The following CPN1 variants were observed in gnomAD, a reference collection of about 807,000 sequenced individuals.
CPN1 encodes carboxypeptidase N catalytic chain.
Under a neutral mutation model 46.4 loss-of-function variants are expected in CPN1, and 37 were observed. The observed-to-expected ratio is 0.80, with a 90% confidence interval of 0.61 to 1.05. CPN1 has a LOEUF of 1.05. Among genes scored for constraint, CPN1 ranks in the 50% least tolerant of loss-of-function variants. The pLI, the probability that CPN1 is intolerant of heterozygous loss-of-function variation, is 0.00. For missense variants in CPN1, 563 were observed against 602.6 expected (o/e 0.93, Z 0.69); for synonymous variants, 224 against 235.4 (o/e 0.95, Z 0.44).
chr10:100,068,117 A>G (rs184384937), intron 3 of CPN1, among the ~76,000 whole-genome samples: 1 of 146,432 alleles, frequency 6.8e-6, no homozygotes, highest in Admixed American at 6.9e-5. Context: ...GTGCCACTGC[A>G]CTCCAGCCTG....
chr10:100,045,265 G>C (rs1227077126), intron 8 of CPN1, among the ~76,000 whole-genome samples: 1 of 152,216 alleles, frequency 6.6e-6, no homozygotes, highest in African/African-American at 2.4e-5. Context: ...AGGACGTGCA[G>C]TTGTTTGAAT....
chr10:100,069,679 AT>A, intron 3 of CPN1, 34 bp downstream of exon 3: 1 of 1,613,596 alleles, frequency 6.2e-7, no homozygotes, highest in Non-Finnish European at 8.5e-7. Context: ...CCAGATGCTG[AT>A]TTACCTGCTT....
At chr10:100,053,878 A>G (rs1463540629) in intron 7 of CPN1, among the ~76,000 whole-genome samples, 2 of 152,184 alleles carry the variant, frequency 1.3e-5, no homozygotes, top group African/African-American at 4.8e-5. Flanking sequence ...CAGTAAGCCT[A>G]TGATGGAAAG....
At chr10:100,059,592 C>CAAAAAAAAAA in intron 5 of CPN1, among the ~76,000 whole-genome samples, 1 of 115,096 alleles carries the variant, frequency 8.7e-6, no homozygotes, top group Non-Finnish European at 1.8e-5. Flanking sequence ...TGGCTACTAT[C>CAAAAAAAAAA]AAAAAAAAAA....
At chr10:100,051,537 T>C (rs2041353496) in intron 7 of CPN1, among the ~76,000 whole-genome samples, 1 of 152,112 alleles carries the variant, frequency 6.6e-6, no homozygotes. Flanking sequence ...AAAAAATTTT[T>C]TTTTTTTTGA....
At chr10:100,081,203 A>G (rs12774352) in intron 1 of CPN1, among the ~76,000 whole-genome samples, 200 bp downstream of exon 1, 56,474 of 152,088 alleles carry the variant, frequency 0.37, 10,687 homozygotes, top group Non-Finnish European at 0.41. Flanking sequence ...AGGAGGAAAG[A>G]TCTGAAGGCT....
intron 1 of CPN1, 91 bp from the exon 2 acceptor site, chr10:100,076,198 A>G (rs2041514373): frequency 8.2e-7 from 1 of 1,225,220 alleles, no homozygotes; most frequent in South Asian, 1.2e-5. Context: ...TCAGTAACGA[A>G]TGAAAGAAAA....
At chr10:100,056,381 C>T (rs1241753804) in intron 6 of CPN1, among the ~76,000 whole-genome samples, 1 of 152,166 alleles carries the variant, frequency 6.6e-6, no homozygotes, top group African/African-American at 2.4e-5. Flanking sequence ...TTAAATGTCA[C>T]CTCCTCTGTA....
At chr10:100,067,270 C>T (rs1489423822) in intron 3 of CPN1, among the ~76,000 whole-genome samples, 1 of 152,106 alleles carries the variant, frequency 6.6e-6, no homozygotes, top group South Asian at 2.1e-4. Flanking sequence ...GCGCCCACCA[C>T]CACAGCTGGC....
At chr10:100,077,499 A>G (rs2862924) in intron 1 of CPN1, among the ~76,000 whole-genome samples, 89,479 of 151,906 alleles carry the variant, frequency 0.59, 28,356 homozygotes, top group African/African-American at 0.84. Context: ...CCAAAGTGCT[A>G]GGATTACAGG....
chr10:100,054,580 G>T, intron 6 of CPN1, 134 bp from the exon 7 acceptor site: 1 of 729,906 alleles, frequency 1.4e-6, no homozygotes, highest in Non-Finnish European at 2.4e-6. Flanking sequence ...TCCCTTAACT[G>T]GTCTCTTTGC....
rs1589479778 is a variant in CPN1 at position 100,076,086 on chromosome 10, A to C, written c.245T>G (p.Val82Gly). ...HEPLEPEVKY[V>G]GNMHGNEALG... ...CGCTTCGTTGCCGTGCATGTTCCCC[A>C]CATACTTGACCTCTGGTTCCACTGC... The change falls in exon 2 of 9, where the codon GTG becomes GGG. Residue 82 changes from valine to glycine, a missense_variant. Physicochemically the swap from Val to Gly is moderately radical, Grantham distance 109. Transcript: ENST00000370418. 1 of 1,614,068 alleles carries C rather than the reference A, an allele frequency of 6.2e-7. No individual in the cohort carries two copies. Among genetic ancestry groups the C allele is most frequent in the Non-Finnish European group, 8.5e-7 (1 of 1,180,042 alleles).
chr10:100,051,765 G>T (rs1238356870), intron 7 of CPN1, among the ~76,000 whole-genome samples: 1 of 152,098 alleles, frequency 6.6e-6, no homozygotes, highest in African/African-American at 2.4e-5. Context: ...CTGACCTTAG[G>T]TGATCCACCC....
chr10:100,069,070 G>A (rs2041470507), intron 3 of CPN1, among the ~76,000 whole-genome samples: 4 of 152,168 alleles, frequency 2.6e-5, no homozygotes, highest in African/African-American at 9.7e-5. Context: ...ACACTGCTTG[G>A]TGCATTTCAC....
chr10:100,069,852 C>T lies in CPN1; in HGVS notation c.438G>A (p.Gly146=), dbSNP rs1427767801. 1 of 1,613,794 alleles carries T rather than the reference C, an allele frequency of 6.2e-7. No individual in the cohort carries two copies. The highest frequency in any genetic ancestry group is 8.5e-7 in the Non-Finnish European group (1 of 1,180,002). Reference sequence around the variant, plus strand: ...TTGCATTGTTCCTGCCAACTAGATACCCAGGCTTGTTTGGGCCCTAAAGGA... The same window carrying T: ...TTGCATTGTTCCTGCCAACTAGATATCCAGGCTTGTTTGGGCCCTAAAGGA... ...VAAAQGPNKP[G]YLVGRNNANG... is the part of the protein sequence containing the mutation. Residue 146 remains glycine (G), a synonymous_variant, in exon 3 of 9, where the codon GGG becomes GGA. Coordinates refer to ENST00000370418, the MANE Select transcript of CPN1 (RefSeq NM_001308.3).
At position 100,062,656 on chromosome 10, in the gene CPN1, T is replaced by G. The variant is rs187524054; in HGVS notation, c.871+958A>C. On this transcript the variant is annotated intron_variant, in intron 5 of 8. Coordinates refer to ENST00000370418, the MANE Select transcript of CPN1 (RefSeq NM_001308.3). ...CAGGCTGGAGTGCAGTGGTGCAATC[T>G]TGGCTCACTGCACTGCAGCCTTGAC... 5.1e-4 allele frequency among the ~76,000 whole-genome samples: 78 copies of G among 151,470 alleles called. 2 individuals carry two copies. The East Asian group carries it at 0.014, about 27-fold the overall frequency.
intron 2 of CPN1, among the ~76,000 whole-genome samples, chr10:100,070,867 G>A (rs77210956): frequency 8.1e-4 from 123 of 152,324 alleles, no homozygotes; most frequent in Non-Finnish European, 1.5e-3. Context: ...TGTTTACGGA[G>A]TTGTATAATC....
chr10:100,048,935 A>T, intron 7 of CPN1, 59 bp from the exon 8 acceptor site: 1 of 1,351,828 alleles, frequency 7.4e-7, no homozygotes, highest in Non-Finnish European at 1.1e-6. Context: ...CAAATAAGCT[A>T]GGGTTTTTAT....
intron 7 of CPN1, among the ~76,000 whole-genome samples, chr10:100,053,612 T>C (rs1255135481): frequency 6.7e-6 from 1 of 149,894 alleles, no homozygotes; most frequent in Non-Finnish European, 1.5e-5. Flanking sequence ...GGAATGAGAC[T>C]CCTTTTCAAA....
Sources: gnomAD v4.1 joint callset for allele counts (sites outside exome capture counted in the v4.1 genomes callset) on GRCh38, gnomAD v4.1.1 for gene constraint, MANE v1.5 for transcripts, NCBI Gene and HGNC (gene_info 2026-07-23, HGNC 2026-07-21) for gene names.